Variants in NEK11 observed in about 807,000 individuals in gnomAD.
The protein encoded by NEK11 is NIMA related kinase 11.
In NEK11, 72 loss-of-function variants were observed where a neutral mutation model predicts 80.7. That is an observed-to-expected ratio of 0.89 (90% confidence interval 0.74 to 1.08). NEK11 has a LOEUF of 1.08. NEK11 is among the 50% of genes least tolerant of loss of function. The probability of loss-of-function intolerance (pLI) is 0.00; values close to 1 mark genes in which losing one functional copy is unlikely to be tolerated. For missense variants in NEK11, 764 were observed against 763.6 expected, an observed-to-expected ratio of 1.00 and a Z score of -0.01; for synonymous variants, 251 against 260.7, an observed-to-expected ratio of 0.96 and a Z score of 0.36.
In NEK11 at chr3:131,109,941, G is replaced by A. The variant is rs367788566; in HGVS notation, c.455+20G>A. On this transcript the variant is annotated intron_variant, in intron 5 of 17. Coordinates refer to ENST00000383366, the MANE Select transcript of NEK11 (RefSeq NM_024800.5). ...TGAGAGGTATGTTCATTTGCTACTG[G>A]GGGAGCATGATATATTTTTAACAGT... is the stretch of plus-strand genomic sequence containing the variant. The A allele has an allele frequency of 1.4e-5, 22 of 1,573,960 alleles. No homozygotes were observed. The African/African-American group carries it at 2.6e-4, about 19-fold the overall frequency.
chr3:131,253,654 G>A (rs1355309339), intron 16 of NEK11, among the ~76,000 whole-genome samples: 2 of 152,162 alleles, frequency 1.3e-5, no homozygotes, highest in Non-Finnish European at 2.9e-5. Flanking sequence ...TATAGTCAGG[G>A]AGGCAGATAA....
At chr3:131,316,670 A>T (rs1232225776) in intron 17 of NEK11, among the ~76,000 whole-genome samples, 4 of 152,168 alleles carry the variant, frequency 2.6e-5, no homozygotes, top group African/African-American at 9.7e-5. Context: ...CTTTAAAAAC[A>T]GTATCTTTAT....
chr3:131,080,352 G>C (rs1216602737), intron 3 of NEK11, 71 bp from the exon 4 acceptor site: 21 of 1,162,542 alleles, frequency 1.8e-5, no homozygotes, highest in Non-Finnish European at 2.4e-5. Context: ...TAATGGCTCT[G>C]TACCACTTGA....
chr3:131,081,693 T>A (rs1277475636), intron 4 of NEK11, among the ~76,000 whole-genome samples: 1 of 152,166 alleles, frequency 6.6e-6, no homozygotes. Context: ...TAGGATGAAG[T>A]CAGCTTATCA....
intron 4 of NEK11, among the ~76,000 whole-genome samples, chr3:131,108,059 G>A (rs1427981843): frequency 1.3e-5 from 2 of 152,100 alleles, no homozygotes; most frequent in Non-Finnish European, 2.9e-5. Context: ...ATTCCACCAA[G>A]CTTTGGAACA....
intron 16 of NEK11, among the ~76,000 whole-genome samples, chr3:131,256,129 C>T (rs537717385): frequency 1.6e-4 from 25 of 152,184 alleles, no homozygotes; most frequent in Middle Eastern, 3.4e-3. Context: ...GAGTAAATTT[C>T]GGTATTCTAT....
chr3:131,114,497 C>A (rs917203726), intron 5 of NEK11, among the ~76,000 whole-genome samples: 7 of 152,172 alleles, frequency 4.6e-5, no homozygotes, highest in African/African-American at 1.7e-4. Flanking sequence ...AGTACCCAAA[C>A]TGAAGGAGCA....
intron 17 of NEK11, among the ~76,000 whole-genome samples, chr3:131,332,079 A>C (rs1160674495): frequency 1.3e-5 from 2 of 152,232 alleles, no homozygotes; most frequent in African/African-American, 4.8e-5. Flanking sequence ...CTGCAGAATT[A>C]AACGTCCCGG....
At chr3:131,186,639 A>T (rs1350440428) in intron 14 of NEK11, among the ~76,000 whole-genome samples, 1 of 152,166 alleles carries the variant, frequency 6.6e-6, no homozygotes, top group Non-Finnish European at 1.5e-5. Context: ...TAAAATTTCC[A>T]TCTATTTTCT....
At chr3:131,038,016 C>T (rs1257767500) in intron 3 of NEK11, among the ~76,000 whole-genome samples, 1 of 152,028 alleles carries the variant, frequency 6.6e-6, no homozygotes, top group African/African-American at 2.4e-5. Flanking sequence ...CTAATGATTT[C>T]TTTCTATTTT....
intron 16 of NEK11, among the ~76,000 whole-genome samples, chr3:131,255,067 A>AGAAG (rs1478740400): frequency 3.9e-5 from 5 of 129,568 alleles, no homozygotes; most frequent in Non-Finnish European, 8.6e-5. Flanking sequence ...ACAGACAGAC[A>AGAAG]GACAGAAAGA....
intron 14 of NEK11, among the ~76,000 whole-genome samples, chr3:131,225,424 T>A (rs1452477206): frequency 1.3e-5 from 2 of 152,226 alleles, no homozygotes; most frequent in African/African-American, 4.8e-5. Flanking sequence ...ATCCTCGTTG[T>A]TAAGTGATGC....
At position 131,129,208 on chromosome 3, in the gene NEK11, G is replaced by A. The variant is rs184536156; in HGVS notation, c.456-3537G>A. On this transcript the variant is annotated intron_variant, in intron 5 of 17. Transcript: ENST00000383366. ...TGGGACTACAGGTGCCCACCACCAG[G>A]CCTGGCTAATTTTATTTTTGTATTT... is the stretch of plus-strand genomic sequence containing the variant. Among the ~76,000 whole-genome samples the A allele has an allele frequency of 3.4e-3, 522 of 151,886 alleles. 2 individuals are homozygous for A. The highest frequency in any genetic ancestry group is 0.012 in the African/African-American group (479 of 41,416).
At position 131,231,719 on chromosome 3, in the gene NEK11, A is replaced by T. The variant is rs2095333557; in HGVS notation, c.1560+3031A>T. Among the ~76,000 whole-genome samples the T allele has an allele frequency of 3.9e-5, 6 of 151,950 alleles. No individual in the cohort carries two copies. In the South Asian group the frequency reaches 1.0e-3, roughly 26 times the overall value. On this transcript the variant is annotated intron_variant, in intron 15 of 17. Coordinates refer to ENST00000383366, the MANE Select transcript of NEK11 (RefSeq NM_024800.5). ...TTTTCATTAGCAACATACAAATTAC[A>T]CTACAGAACTCAGTCATGGTCAACT... is the stretch of plus-strand genomic sequence containing the variant.
intron 5 of NEK11, among the ~76,000 whole-genome samples, chr3:131,120,105 A>G (rs922058579): frequency 6.6e-6 from 1 of 152,182 alleles, no homozygotes; most frequent in African/African-American, 2.4e-5. Context: ...ATGTTTTTGC[A>G]GTGGCTGGTA....
intron 3 of NEK11, among the ~76,000 whole-genome samples, chr3:131,055,717 G>A (rs1412862424): frequency 6.6e-6 from 1 of 152,202 alleles, no homozygotes; most frequent in Non-Finnish European, 1.5e-5. Flanking sequence ...GCAGCAGAGT[G>A]AGACCCTGTC....
chr3:131,311,728 G>A (rs1378753258), intron 17 of NEK11, among the ~76,000 whole-genome samples: 1 of 152,214 alleles, frequency 6.6e-6, no homozygotes, highest in Non-Finnish European at 1.5e-5. Flanking sequence ...GCTTGGAAGT[G>A]AGACTTGAGA....
chr3:131,167,029 A>C (rs1392525774), intron 12 of NEK11, among the ~76,000 whole-genome samples: 1 of 152,212 alleles, frequency 6.6e-6, no homozygotes, highest in Non-Finnish European at 1.5e-5. Flanking sequence ...CGAGTTTGTT[A>C]ATGTGTAAAG....
At chr3:131,273,877 A>C (rs532404618) in intron 17 of NEK11, among the ~76,000 whole-genome samples, 1 of 152,338 alleles carries the variant, frequency 6.6e-6, no homozygotes, top group South Asian at 2.1e-4. Flanking sequence ...AAAAATGCTG[A>C]AAATTATTTC....
Sources: gnomAD v4.1 joint callset for allele counts (sites outside exome capture counted in the v4.1 genomes callset) on GRCh38, gnomAD v4.1.1 for gene constraint, MANE v1.5 for transcripts, NCBI Gene and HGNC (gene_info 2026-07-23, HGNC 2026-07-21) for gene names.